Variants in DGKH observed in about 807,000 individuals in gnomAD.
DGKH encodes the protein diacylglycerol kinase eta, also known as DAG kinase eta.
In DGKH, 90 loss-of-function variants were observed where a neutral mutation model predicts 159.3. The ratio of observed to expected loss-of-function variants is 0.57; its 90% CI spans 0.48 to 0.67. The LOEUF is 0.67. Ranked by LOEUF, DGKH falls within the 30% of genes least tolerant of loss-of-function variation. The pLI is 0.00. For missense variants in DGKH, 1,181 were observed against 1,506.1 expected (o/e 0.78, Z 3.57); for synonymous variants, 536 against 553.8 (o/e 0.97, Z 0.45).
chr13:42,134,998 T>A (rs1955371167), intron 3 of DGKH, among the ~76,000 whole-genome samples: 1 of 151,914 alleles, frequency 6.6e-6, no homozygotes. Flanking sequence ...AAGAAACAGA[T>A]ATGACAAATT....
chr13:42,113,733 G>A (rs1431323497), intron 1 of DGKH, among the ~76,000 whole-genome samples: 1 of 152,192 alleles, frequency 6.6e-6, no homozygotes, highest in Non-Finnish European at 1.5e-5. Context: ...CACGGGAGGA[G>A]GAGCAGTCAT....
intron 1 of DGKH, among the ~76,000 whole-genome samples, chr13:42,084,710 T>TC (rs1380737415): frequency 2.0e-5 from 3 of 152,134 alleles, no homozygotes; most frequent in African/African-American, 7.2e-5. Flanking sequence ...GATTAGACTT[T>TC]TTTTTTTCCA....
intron 1 of DGKH, among the ~76,000 whole-genome samples, chr13:42,097,135 G>A (rs369706328): frequency 2.0e-5 from 3 of 152,254 alleles, no homozygotes; most frequent in East Asian, 1.9e-4. Flanking sequence ...AGTGAAATTC[G>A]TGTGGGTTTA....
At chr13:42,244,973 G>A (rs1958570026), downstream of DGKH, among the ~76,000 whole-genome samples, 1 of 150,806 alleles carries the variant, frequency 6.6e-6, no homozygotes, top group Non-Finnish European at 1.5e-5. Flanking sequence ...AGGGGAAAGT[G>A]GGGCAAGAAG....
At position 42,199,632 on chromosome 13, in the gene DGKH, A is replaced by G. The variant is rs772962635; in HGVS notation, c.2352A>G (p.Ser784=). 1.2e-6 allele frequency: 2 copies of G among 1,605,774 alleles called. No homozygotes were observed. The highest frequency in any genetic ancestry group is 1.1e-5 in the South Asian group (1 of 88,344). Residue 784 remains serine (S), a synonymous_variant, in exon 19 of 30, where the codon TCA becomes TCG. Coordinates refer to ENST00000337343, the MANE Select transcript of DGKH (RefSeq NM_178009.5). ...YFGIGLDAKI[S]LEFNNKREEH... is the part of the protein sequence containing the mutation. ...GGATTGGATTAGATGCAAAAATTTC[A>G]TTAGAATTTAATAATAAAAGAGAGG...
chr13:42,186,206 G>A (rs1374518173), intron 13 of DGKH, among the ~76,000 whole-genome samples: 1 of 152,030 alleles, frequency 6.6e-6, no homozygotes, highest in African/African-American at 2.4e-5. Context: ...TTATATCAAT[G>A]ATAGAAAGCA....
chr13:42,134,797 G>A (rs1324951846), intron 3 of DGKH, among the ~76,000 whole-genome samples: 2 of 152,060 alleles, frequency 1.3e-5, no homozygotes, highest in Non-Finnish European at 2.9e-5. Flanking sequence ...GAGGCTAGGC[G>A]AACCCCCCTT....
At chr13:42,120,541 A>ATT (rs1955048046) in intron 1 of DGKH, among the ~76,000 whole-genome samples, 2 of 152,322 alleles carry the variant, frequency 1.3e-5, no homozygotes, top group East Asian at 3.8e-4. Flanking sequence ...TCTAACCTCA[A>ATT]GTAATATCAA....
chr13:42,218,483 T>C (rs1197767047), intron 26 of DGKH, among the ~76,000 whole-genome samples: 2 of 150,950 alleles, frequency 1.3e-5, no homozygotes, highest in Non-Finnish European at 2.9e-5. Flanking sequence ...TTAAAAAGTA[T>C]TATTTGTTCA....
chr13:42,177,684 C>G (rs1261066171), intron 12 of DGKH, among the ~76,000 whole-genome samples: 1 of 152,116 alleles, frequency 6.6e-6, no homozygotes, highest in Non-Finnish European at 1.5e-5. Flanking sequence ...TCATTTTAGC[C>G]ATTTTGGAGC....
chr13:42,148,264 G>C (rs185696078), intron 3 of DGKH, among the ~76,000 whole-genome samples: 54 of 152,130 alleles, frequency 3.5e-4, no homozygotes, highest in African/African-American at 1.3e-3. Context: ...TGATATACCT[G>C]GCCTGTTATA....
chr13:42,102,801 C>G (rs1954676356), intron 1 of DGKH, among the ~76,000 whole-genome samples: 1 of 152,160 alleles, frequency 6.6e-6, no homozygotes, highest in Non-Finnish European at 1.5e-5. Flanking sequence ...CTAGGAAAGC[C>G]TTGGAACGGA....
chr13:42,166,954 C>T (rs1011787040), intron 9 of DGKH, among the ~76,000 whole-genome samples: 3 of 151,922 alleles, frequency 2.0e-5, no homozygotes, highest in Non-Finnish European at 2.9e-5. Context: ...GATCAACTTG[C>T]GTAAATATAG....
At chr13:42,144,353 G>A (rs1462332203) in intron 3 of DGKH, among the ~76,000 whole-genome samples, 1 of 152,052 alleles carries the variant, frequency 6.6e-6, no homozygotes, top group Non-Finnish European at 1.5e-5. Context: ...CACCCTAAGA[G>A]GCCCCCAGTG....
intron 21 of DGKH, among the ~76,000 whole-genome samples, chr13:42,208,186 G>A (rs1251612182): frequency 2.0e-5 from 3 of 152,074 alleles, no homozygotes; most frequent in African/African-American, 7.2e-5. Flanking sequence ...TACAATGTTA[G>A]CAACTTTGTG....
intron 13 of DGKH, among the ~76,000 whole-genome samples, chr13:42,183,981 G>T (rs186796863): frequency 1.0e-3 from 153 of 152,240 alleles, no homozygotes; most frequent in African/African-American, 3.5e-3. Flanking sequence ...TTCAGAAAAT[G>T]GGATAACTAG....
intron 3 of DGKH, among the ~76,000 whole-genome samples, chr13:42,134,432 C>G (rs1331918070): frequency 6.6e-6 from 1 of 152,170 alleles, no homozygotes; most frequent in Non-Finnish European, 1.5e-5. Context: ...ATCTAAATTG[C>G]CTCAGGTATT....
chr13:42,182,204 T>G (rs572455142), intron 13 of DGKH, among the ~76,000 whole-genome samples: 1 of 152,392 alleles, frequency 6.6e-6, no homozygotes, highest in East Asian at 1.9e-4. Context: ...CCATCACAAA[T>G]GGGCAGTGGC....
intron 12 of DGKH, among the ~76,000 whole-genome samples, chr13:42,177,201 C>T (rs1336447326): frequency 1.3e-5 from 2 of 152,116 alleles, no homozygotes; most frequent in Non-Finnish European, 2.9e-5. Flanking sequence ...AAGACCCCCA[C>T]CTCCTACCCC....
Sources: gnomAD v4.1 joint callset for allele counts (sites outside exome capture counted in the v4.1 genomes callset) on GRCh38, gnomAD v4.1.1 for gene constraint, MANE v1.5 for transcripts, NCBI Gene and HGNC (gene_info 2026-07-23, HGNC 2026-07-21) for gene names.